FARS2: variants seen among roughly 807,000 people sequenced by gnomAD.
The protein encoded by FARS2 is phenylalanyl-tRNA synthetase 2, mitochondrial.
Under a neutral mutation model 46.4 loss-of-function variants are expected in FARS2, and 40 were observed. The observed-to-expected ratio is 0.86, with a 90% CI of 0.67 to 1.12. FARS2 has a LOEUF of 1.12. FARS2 is among the 50% of genes most tolerant of loss of function. FARS2 has a pLI of 0.00. For synonymous variants in FARS2, 234 were observed against 214.9 expected (o/e 1.09, Z -0.78); for missense variants, 513 against 567.9 (o/e 0.90, Z 0.98).
At chr6:5,288,235 A>G (rs982337668) in intron 1 of FARS2, among the ~76,000 whole-genome samples, 1 of 152,148 alleles carries the variant, frequency 6.6e-6, no homozygotes, top group Non-Finnish European at 1.5e-5. Flanking sequence ...CTTGCTGTCT[A>G]CTTCTTTTGA....
chr6:5,514,347 A>T (rs1768654352), intron 4 of FARS2, among the ~76,000 whole-genome samples: 1 of 152,210 alleles, frequency 6.6e-6, no homozygotes, highest in South Asian at 2.1e-4. Flanking sequence ...CGTCTCAGAA[A>T]TGTGGGTAGC....
chr6:5,582,405 G>A (rs1337978434), intron 5 of FARS2, among the ~76,000 whole-genome samples: 1 of 152,244 alleles, frequency 6.6e-6, no homozygotes, highest in Non-Finnish European at 1.5e-5. Context: ...TGGACCCACG[G>A]TGGCTATGCT....
chr6:5,653,403 C>T (rs1331602471), intron 6 of FARS2, among the ~76,000 whole-genome samples: 2 of 152,138 alleles, frequency 1.3e-5, no homozygotes, highest in Non-Finnish European at 2.9e-5. Context: ...AATGTTTTAC[C>T]AATTCAGACC....
intron 6 of FARS2, among the ~76,000 whole-genome samples, chr6:5,739,432 A>AC (rs1761176397): frequency 6.6e-6 from 1 of 152,152 alleles, no homozygotes; most frequent in Middle Eastern, 3.2e-3. Flanking sequence ...CTGTTGTTTG[A>AC]CCAGTTATTC....
At chr6:5,286,230 T>C (rs1767102482) in intron 1 of FARS2, among the ~76,000 whole-genome samples, 1 of 152,146 alleles carries the variant, frequency 6.6e-6, no homozygotes, top group Admixed American at 6.5e-5. Flanking sequence ...TGTTTCCTTA[T>C]AGTATCCTGT....
At chr6:5,262,570 C>T (rs556696220) in intron 1 of FARS2, among the ~76,000 whole-genome samples, 12 of 152,318 alleles carry the variant, frequency 7.9e-5, no homozygotes, top group African/African-American at 2.2e-4. Flanking sequence ...TGAGTCATCA[C>T]GCCCAGCCTC....
Position 5,637,084 on chromosome 6 carries a change from T to A in FARS2, c.1217+23764T>A, listed in dbSNP as rs1230195574. ...GCAAGAGCATAGGAAGAAACCAGGA[T>A]CCAGAGCCGAATAGATGCATACAGC... On this transcript the variant is annotated intron_variant, in intron 6 of 6. Transcript: ENST00000274680. Among the ~76,000 whole-genome samples, 7 of 152,146 alleles carry A rather than the reference T, an allele frequency of 4.6e-5. 1 individual carries two copies. Among genetic ancestry groups the A allele is most frequent in the Admixed American group, 4.6e-4 (7 of 15,282 alleles).
At chr6:5,640,035 C>T (rs920919667) in intron 6 of FARS2, among the ~76,000 whole-genome samples, 1 of 152,110 alleles carries the variant, frequency 6.6e-6, no homozygotes, top group African/African-American at 2.4e-5. Context: ...CGTTATTGCA[C>T]TGAGCTTGTA....
chr6:5,520,443 C>G (rs1358015962), intron 4 of FARS2, among the ~76,000 whole-genome samples: 1 of 152,152 alleles, frequency 6.6e-6, no homozygotes, highest in Non-Finnish European at 1.5e-5. Flanking sequence ...AACAAAGTGA[C>G]CTGTCCTGTT....
In FARS2 at chr6:5,727,865, A is replaced by G. The variant is rs959620964; in HGVS notation, c.1218-43426A>G. ...GGGATACCAACAGACTGATTTCTAA[A>G]TGAGCTTCCTGCCTCAAGGCAAAGG... On this transcript the variant is annotated intron_variant, in intron 6 of 6. Coordinates refer to ENST00000274680, the MANE Select transcript of FARS2 (RefSeq NM_006567.5). This position sits in a 1 kb window ranked among gnomAD's most constrained non-coding sequence, Gnocchi z 4.1. 6.6e-6 allele frequency among the ~76,000 whole-genome samples: 1 copy of G among 152,206 alleles called. No individual in the cohort carries two copies. Among genetic ancestry groups the G allele is most frequent in the Non-Finnish European group, 1.5e-5 (1 of 68,032 alleles).
At chr6:5,701,213 G>A (rs1758414176) in intron 6 of FARS2, among the ~76,000 whole-genome samples, 1 of 152,252 alleles carries the variant, frequency 6.6e-6, no homozygotes, top group South Asian at 2.1e-4. Flanking sequence ...GGATTACCGG[G>A]CTCTGCCCCT....
At chr6:5,532,783 T>TAATAAGAAGAAGAAG (rs894517533) in intron 4 of FARS2, among the ~76,000 whole-genome samples, 7 of 138,668 alleles carry the variant, frequency 5.0e-5, no homozygotes, top group African/African-American at 2.1e-4. Flanking sequence ...ATAATAATAA[T>TAATAAGAAGAAGAAG]AAGAAGAAGA....
intron 5 of FARS2, among the ~76,000 whole-genome samples, chr6:5,607,285 ATGTGTGTG>A (rs200898031): frequency 1.3e-4 from 10 of 75,056 alleles, no homozygotes; most frequent in Admixed American, 2.7e-4. Flanking sequence ...AATAATATGT[ATGTGTGTG>A]TGTGTGTGTG....
chr6:5,706,343 C>T lies in FARS2; in HGVS notation c.1218-64948C>T, dbSNP rs538569588. Reference sequence around the variant, plus strand: ...GGTGGGGGACTCCTGTGTTAGACGACAGCTCTCTGAGGGCAGGGGCTGAGT... The same window carrying T: ...GGTGGGGGACTCCTGTGTTAGACGATAGCTCTCTGAGGGCAGGGGCTGAGT... On this transcript the variant is annotated intron_variant, in intron 6 of 6. Transcript: ENST00000274680. Among the ~76,000 whole-genome samples the T allele has an allele frequency of 2.6e-5, 4 of 152,324 alleles. No individual in the cohort carries two copies. The South Asian group carries it at 8.3e-4, about 32-fold the overall frequency.
chr6:5,750,879 C>T (rs530421480), intron 6 of FARS2, among the ~76,000 whole-genome samples: 1 of 152,212 alleles, frequency 6.6e-6, no homozygotes, highest in Non-Finnish European at 1.5e-5. Flanking sequence ...TGGTCAACCC[C>T]TTCTTTTAGG....
At chr6:5,760,106 GTCATTGGAAATGTATACAAATTTC>G (rs1762406686) in intron 6 of FARS2, among the ~76,000 whole-genome samples, 1 of 152,118 alleles carries the variant, frequency 6.6e-6, no homozygotes. Flanking sequence ...AAATAACAGT[GTCATTGGAAATGTATACAAATTTC>G]TCTTTACCGA....
intron 4 of FARS2, among the ~76,000 whole-genome samples, chr6:5,482,981 A>G (rs1766558671): frequency 6.6e-6 from 1 of 152,130 alleles, no homozygotes; most frequent in Non-Finnish European, 1.5e-5. Context: ...CACTGCTGCC[A>G]GGGCCCACAA....
intron 4 of FARS2, among the ~76,000 whole-genome samples, chr6:5,458,384 C>T (rs1488501209): frequency 6.6e-6 from 1 of 152,168 alleles, no homozygotes; most frequent in Non-Finnish European, 1.5e-5. Context: ...GGCTGAGGAG[C>T]ACTGGAGCCC....
At chr6:5,260,760 T>C (rs369579553), upstream of FARS2, 4 of 1,538,778 alleles carry the variant, frequency 2.6e-6, no homozygotes, top group East Asian at 2.4e-5. Flanking sequence ...AATAAACGGG[T>C]CCTCTTCGCC....
Sources: allele counts gnomAD v4.1 joint callset (sites outside exome capture counted in the v4.1 genomes callset), GRCh38; gene constraint gnomAD v4.1.1; non-coding constraint Gnocchi (gnomAD v3.1); transcripts MANE v1.5; gene names NCBI Gene and HGNC (gene_info 2026-07-23, HGNC 2026-07-21).